TNFRSF19: variants seen among roughly 807,000 people sequenced by gnomAD.
TNFRSF19 encodes tumor necrosis factor receptor superfamily member 19.
Under a neutral mutation model 46.4 loss-of-function variants are expected in TNFRSF19, and 27 were observed. That is an observed-to-expected ratio of 0.58 (90% CI 0.43 to 0.80). The LOEUF (loss-of-function observed/expected upper bound fraction) is 0.80, where lower values mean the gene tolerates loss of function less well. TNFRSF19 is among the 30% of genes least tolerant of loss of function. The pLI is 0.00. For missense variants in TNFRSF19, 511 were observed against 530.8 expected (o/e 0.96, Z 0.37); for synonymous variants, 204 against 205.0 (o/e 1.00, Z 0.04).
At chr13:23,609,092 A>C (rs1251593300) in intron 3 of TNFRSF19, among the ~76,000 whole-genome samples, 1 of 152,136 alleles carries the variant, frequency 6.6e-6, no homozygotes, top group Non-Finnish European at 1.5e-5. Context: ...TGCTTAATAC[A>C]TAGTTATCTT....
At chr13:23,594,076 A>G (rs1456213426) in intron 3 of TNFRSF19, among the ~76,000 whole-genome samples, 1 of 152,196 alleles carries the variant, frequency 6.6e-6, no homozygotes, top group Non-Finnish European at 1.5e-5. Context: ...CAACCCGGAT[A>G]CTACGCTTTT....
chr13:23,643,623 C>T (rs1416868088), intron 5 of TNFRSF19, among the ~76,000 whole-genome samples: 1 of 146,626 alleles, frequency 6.8e-6, no homozygotes, highest in African/African-American at 2.5e-5. Flanking sequence ...TTTCTTCCAA[C>T]ACACAGTAAC....
chr13:23,605,794 A>G (rs1446411596), intron 3 of TNFRSF19, among the ~76,000 whole-genome samples: 2 of 152,204 alleles, frequency 1.3e-5, no homozygotes, highest in African/African-American at 4.8e-5. Flanking sequence ...ACTGGTTGCC[A>G]TGGGTAAGGG....
At chr13:23,649,191 G>A (rs1391487769) in intron 5 of TNFRSF19, among the ~76,000 whole-genome samples, 1 of 152,138 alleles carries the variant, frequency 6.6e-6, no homozygotes, top group Non-Finnish European at 1.5e-5. Flanking sequence ...CACCAGTAAA[G>A]CTGTCAGGTT....
rs116001000 is a variant in TNFRSF19 at position 23,633,002 on chromosome 13, C to A, written c.445+6210C>A. ...CAGACCTTTTCATCCTAATGACTGA[C>A]CCCTGAGGTTTTCTCTCTAATACCC... On this transcript the variant is annotated intron_variant, in intron 5 of 9. Transcript: ENST00000248484. 9.6e-3 allele frequency among the ~76,000 whole-genome samples: 1,459 copies of A among 152,278 alleles called. 25 individuals are homozygous for A. The highest frequency in any genetic ancestry group is 0.034 in the African/African-American group (1,411 of 41,552).
intron 3 of TNFRSF19, among the ~76,000 whole-genome samples, chr13:23,612,960 G>T (rs558270401): frequency 6.6e-6 from 1 of 152,172 alleles, no homozygotes; most frequent in Non-Finnish European, 1.5e-5. Context: ...TGGCAGGAAC[G>T]CAGGGCTCTT....
At chr13:23,620,270 C>T (rs1403619171) in intron 4 of TNFRSF19, among the ~76,000 whole-genome samples, 1 of 152,106 alleles carries the variant, frequency 6.6e-6, no homozygotes, top group East Asian at 1.9e-4. Context: ...TATTGCTCCC[C>T]AAAAAGCAAT....
intron 5 of TNFRSF19, among the ~76,000 whole-genome samples, chr13:23,643,825 C>T (rs1883162575): frequency 1.3e-5 from 2 of 152,342 alleles, no homozygotes; most frequent in East Asian, 1.9e-4. Flanking sequence ...CCCATCAGTG[C>T]CATTGCAATG....
Position 23,645,010 on chromosome 13 carries a change from G to A in TNFRSF19, c.446-14040G>A, listed in dbSNP as rs1883251578. 2.0e-5 allele frequency among the ~76,000 whole-genome samples: 3 copies of A among 152,242 alleles called. No individual in the cohort carries two copies. In the South Asian group the frequency reaches 6.2e-4, roughly 32 times the overall value. ...AGTACTCTTAACTCCACTGAGCTCT[G>A]CTCCTCTTACTTTGTGACATCACAT... On this transcript the variant is annotated intron_variant, in intron 5 of 9. Coordinates refer to ENST00000248484, the MANE Select transcript of TNFRSF19 (RefSeq NM_148957.4).
chr13:23,652,085 C>A (rs1046276692), intron 5 of TNFRSF19, among the ~76,000 whole-genome samples: 1 of 151,982 alleles, frequency 6.6e-6, no homozygotes. Flanking sequence ...TAGGGGCTGG[C>A]CCCTGCACTT....
chr13:23,595,431 G>A (rs1017247014), intron 3 of TNFRSF19, among the ~76,000 whole-genome samples: 2 of 152,156 alleles, frequency 1.3e-5, no homozygotes, highest in Non-Finnish European at 2.9e-5. Context: ...TGATGGAGCT[G>A]AAAAACACAG....
At chr13:23,603,076 T>A (rs957488734) in intron 3 of TNFRSF19, among the ~76,000 whole-genome samples, 1 of 151,658 alleles carries the variant, frequency 6.6e-6, no homozygotes, top group Non-Finnish European at 1.5e-5. Context: ...TTTGAAAAAA[T>A]TCAATAAAAC....
chr13:23,643,031 A>G (rs1883116139), intron 5 of TNFRSF19, among the ~76,000 whole-genome samples: 1 of 152,238 alleles, frequency 6.6e-6, no homozygotes, highest in African/African-American at 2.4e-5. Context: ...ATTAAAAGCA[A>G]CTATTCTTTG....
chr13:23,673,013 A>C (rs1160143606), intron 9 of TNFRSF19, among the ~76,000 whole-genome samples: 1 of 152,228 alleles, frequency 6.6e-6, no homozygotes, highest in Non-Finnish European at 1.5e-5. Context: ...TTACCTACAA[A>C]TGCTTTAAAG....
chr13:23,624,753 CTT>C (rs1005209921), intron 4 of TNFRSF19, among the ~76,000 whole-genome samples: 7 of 144,744 alleles, frequency 4.8e-5, no homozygotes, highest in Admixed American at 1.4e-4. Flanking sequence ...ATACACATAA[CTT>C]TTTTTTTTTT....
At chr13:23,625,057 C>T (rs117415667) in intron 4 of TNFRSF19, among the ~76,000 whole-genome samples, 8 of 151,920 alleles carry the variant, frequency 5.3e-5, no homozygotes, top group East Asian at 1.9e-4. Flanking sequence ...TGGCCACACA[C>T]GACTATTTTT....
chr13:23,663,357 G>T (rs1455476891), intron 7 of TNFRSF19, among the ~76,000 whole-genome samples: 3 of 152,184 alleles, frequency 2.0e-5, no homozygotes, highest in Non-Finnish European at 2.9e-5. Context: ...GCATCCCAGG[G>T]ATGAAGCCTG....
At chr13:23,578,655 C>G (rs191522463) in intron 1 of TNFRSF19, among the ~76,000 whole-genome samples, 190 of 152,326 alleles carry the variant, frequency 1.2e-3, no homozygotes, top group Middle Eastern at 0.01. Context: ...CTTGGGTGAA[C>G]GAATAGAACA....
At chr13:23,652,079 G>T (rs1883685783) in intron 5 of TNFRSF19, among the ~76,000 whole-genome samples, 1 of 152,000 alleles carries the variant, frequency 6.6e-6, no homozygotes, top group Admixed American at 6.6e-5. Context: ...GGTATGTAGG[G>T]GCTGGCCCCT....
Sources: allele counts gnomAD v4.1 joint callset (sites outside exome capture counted in the v4.1 genomes callset), GRCh38; gene constraint gnomAD v4.1.1; transcripts MANE v1.5; gene names NCBI Gene and HGNC (gene_info 2026-07-23, HGNC 2026-07-21).